UBE2W: variants seen among roughly 807,000 people sequenced by gnomAD.
The protein encoded by UBE2W is ubiquitin-conjugating enzyme E2 W.
Under a neutral mutation model 27.2 loss-of-function variants are expected in UBE2W, and 18 were observed. The ratio of observed to expected loss-of-function variants is 0.66; its 90% CI spans 0.46 to 0.98. The LOEUF (loss-of-function observed/expected upper bound fraction) is 0.98. UBE2W is among the 50% of genes least tolerant of loss of function. UBE2W has a pLI of 0.00. For missense variants in UBE2W, 90 were observed against 180.2 expected (o/e 0.50, Z 2.87); for synonymous variants, 53 against 57.2 (o/e 0.93, Z 0.33).
rs1415413892 is a variant in UBE2W, at chr8:73,810,588, A to C, written c.252T>G (p.Val84=). Residue 84 remains valine (V), a synonymous_variant, in exon 4 of 6, where the codon GTT becomes GTG. Transcript: ENST00000602593. ...TGENIPVHPH[V]YSNGHICLSI... ...ATAAACAGATATGACCATTGCTATAAACATGAGGATGAACAGGAATATTTT... is the reference window on the plus strand; with the variant it reads ...ATAAACAGATATGACCATTGCTATACACATGAGGATGAACAGGAATATTTT... 4 of 1,609,346 alleles carry C rather than the reference A, an allele frequency of 2.5e-6. No individual in the cohort carries two copies. Among genetic ancestry groups the C allele is most frequent in the African/African-American group, 2.7e-5 (2 of 74,702 alleles).
chr8:73,878,105 A>T (rs1444975020), intron 1 of UBE2W, among the ~76,000 whole-genome samples: 1 of 152,074 alleles, frequency 6.6e-6, no homozygotes, highest in South Asian at 2.1e-4. Context: ...GGGGCTGAGG[A>T]CTCGGCTCTC....
At chr8:73,802,840 A>G (rs971174807) in intron 5 of UBE2W, among the ~76,000 whole-genome samples, 3 of 152,056 alleles carry the variant, frequency 2.0e-5, no homozygotes, top group African/African-American at 7.2e-5. Flanking sequence ...TGGCTAACAC[A>G]GTGAAACCCC....
intron 1 of UBE2W, among the ~76,000 whole-genome samples, chr8:73,866,285 AAAAAAATATATATATAT>A (rs1363982454): frequency 6.5e-5 from 7 of 107,868 alleles, no homozygotes; most frequent in Non-Finnish European, 1.2e-4. Flanking sequence ...AAAAAAAAAA[AAAAAAATATATATATAT>A]ATATATATAT....
At chr8:73,868,262 C>A (rs891965581) in intron 1 of UBE2W, among the ~76,000 whole-genome samples, 1 of 152,094 alleles carries the variant, frequency 6.6e-6, no homozygotes, top group African/African-American at 2.4e-5. Context: ...ATCAATCATG[C>A]CTAAGTAATG....
intron 1 of UBE2W, among the ~76,000 whole-genome samples, chr8:73,834,987 G>A (rs914530913): frequency 1.3e-5 from 2 of 152,084 alleles, no homozygotes; most frequent in Non-Finnish European, 2.9e-5. Flanking sequence ...TTTGTAGAGC[G>A]TCTCAAGCCT....
At position 73,793,695 on chromosome 8, in the gene UBE2W, A is replaced by T. The variant is rs1808294565; in HGVS notation, c.*407T>A. Reference sequence around the variant, plus strand: ...CATTTCATAGGCCCTATCATGCATTAATCATTGAATGGCAGGAGTTAATGA... The same window carrying T: ...CATTTCATAGGCCCTATCATGCATTTATCATTGAATGGCAGGAGTTAATGA... On this transcript the variant is annotated 3_prime_UTR_variant, in exon 6 of 6. Transcript: ENST00000602593. 3 of 994,782 alleles carry T rather than the reference A, an allele frequency of 3.0e-6. No individual in the cohort carries two copies. The highest frequency in any genetic ancestry group is 3.6e-6 in the Non-Finnish European group (3 of 836,030). The allele number at this position is 994,782 out of a possible 1,614,324, so 61.6% of individuals were successfully genotyped here. A position where few individuals can be genotyped will look rare whatever the true frequency, so the allele number is the denominator to read the frequency against.
chr8:73,800,280 T>A (rs1262574468), intron 5 of UBE2W, among the ~76,000 whole-genome samples: 6 of 152,246 alleles, frequency 3.9e-5, no homozygotes, highest in Admixed American at 3.9e-4. Context: ...ATTCCTTGAT[T>A]GCTATGAAAC....
chr8:73,781,514 A>G (rs12679779), downstream of UBE2W, among the ~76,000 whole-genome samples: 1 of 151,610 alleles, frequency 6.6e-6, no homozygotes, highest in African/African-American at 2.4e-5. Context: ...GGTGAAAACT[A>G]TCACCCTCAA....
At chr8:73,822,706 C>A (rs1454479581) in intron 3 of UBE2W, among the ~76,000 whole-genome samples, 1 of 148,900 alleles carries the variant, frequency 6.7e-6, no homozygotes. Flanking sequence ...ATCACTTGAG[C>A]CCAGGTGGCA....
intron 1 of UBE2W, among the ~76,000 whole-genome samples, chr8:73,849,509 T>C (rs1466981679): frequency 6.4e-5 from 2 of 31,326 alleles, no homozygotes; most frequent in South Asian, 1.4e-3. Flanking sequence ...TGAAACTCCA[T>C]CTCAAAAAAA....
Position 73,790,233 on chromosome 8 carries a change from G to C in UBE2W, c.*3869C>G, listed in dbSNP as rs935487285. The stretch of plus-strand genomic sequence containing the variant: ...GAAGTGAGAAAAGGAAACTGCGGAA[G>C]ACTGACACATTGGACATCAGTGGGA... On this transcript the variant is annotated 3_prime_UTR_variant, in exon 6 of 6. Coordinates refer to ENST00000602593, the MANE Select transcript of UBE2W (RefSeq NM_018299.6). The C allele has an allele frequency of 2.0e-6, 2 of 985,148 alleles. No individual in the cohort carries two copies. The highest frequency in any genetic ancestry group is 4.7e-5 in the South Asian group (1 of 21,282). The allele number at this position is 985,148 out of a possible 1,614,324, so 61.0% of individuals were successfully genotyped here. A position where few individuals can be genotyped will look rare whatever the true frequency, so the allele number is the denominator to read the frequency against.
intron 3 of UBE2W, among the ~76,000 whole-genome samples, chr8:73,814,729 C>A (rs1809316998): frequency 6.6e-6 from 1 of 152,118 alleles, no homozygotes; most frequent in African/African-American, 2.4e-5. Context: ...TATATGTTGG[C>A]CAGACTGGTC....
Position 73,813,867 on chromosome 8 carries a change from C to T in UBE2W, c.211-3238G>A, listed in dbSNP as rs146675221. Among the ~76,000 whole-genome samples, 479 of 151,976 alleles carry T rather than the reference C, an allele frequency of 3.2e-3. 1 individual carries two copies. Among genetic ancestry groups the T allele is most frequent in the South Asian group, 0.01 (50 of 4,808 alleles). On this transcript the variant is annotated intron_variant, in intron 3 of 5. Transcript: ENST00000602593. Reference sequence around the variant, plus strand: ...TCCCAGGTTCAAGTGATTCTCCTGCCTCAGCCTCCACCTGCCACCACACCC... The same window carrying T: ...TCCCAGGTTCAAGTGATTCTCCTGCTTCAGCCTCCACCTGCCACCACACCC...
intron 1 of UBE2W, among the ~76,000 whole-genome samples, chr8:73,832,258 A>G (rs1040177780): frequency 2.6e-5 from 4 of 151,998 alleles, no homozygotes; most frequent in African/African-American, 9.7e-5. Flanking sequence ...CTATAGTTGT[A>G]CCACTGCACT....
chr8:73,823,252 A>G (rs909181935), intron 3 of UBE2W, among the ~76,000 whole-genome samples: 1 of 152,236 alleles, frequency 6.6e-6, no homozygotes, highest in Non-Finnish European at 1.5e-5. Context: ...CAAATGCTGT[A>G]ACTTACAGAA....
intron 2 of UBE2W, among the ~76,000 whole-genome samples, chr8:73,827,477 G>T (rs991385027): frequency 2.6e-5 from 4 of 152,126 alleles, no homozygotes; most frequent in Non-Finnish European, 4.4e-5. Flanking sequence ...GCGTCCCAAA[G>T]TGCTGGGATT....
chr8:73,836,507 C>G (rs1357203771), intron 1 of UBE2W, among the ~76,000 whole-genome samples: 2 of 152,154 alleles, frequency 1.3e-5, no homozygotes, highest in African/African-American at 2.4e-5. Flanking sequence ...TTAGACAGGG[C>G]AGGAAAAATC....
At chr8:73,824,065 T>C (rs987933591) in intron 3 of UBE2W, among the ~76,000 whole-genome samples, 2 of 152,206 alleles carry the variant, frequency 1.3e-5, no homozygotes, top group African/African-American at 2.4e-5. Flanking sequence ...GCTGGCATCA[T>C]GTCTTACCAT....
At chr8:73,813,956 C>T (rs376560185) in intron 3 of UBE2W, among the ~76,000 whole-genome samples, 1 of 152,144 alleles carries the variant, frequency 6.6e-6, no homozygotes, top group African/African-American at 2.4e-5. Context: ...TGGTCTCGAA[C>T]TCCTGACCTC....
Sources: gnomAD v4.1 joint callset for allele counts (sites outside exome capture counted in the v4.1 genomes callset) on GRCh38, gnomAD v4.1.1 for gene constraint, MANE v1.5 for transcripts, NCBI Gene and HGNC (gene_info 2026-07-23, HGNC 2026-07-21) for gene names.